Variants in BPTF observed in about 807,000 individuals in gnomAD.
BPTF encodes bromodomain PHD finger transcription factor, also known as nucleosome-remodeling factor subunit BPTF.
In BPTF, 18 loss-of-function variants were observed where a neutral mutation model predicts 292.5. That is an observed-to-expected ratio of 0.06 (90% CI 0.04 to 0.09). BPTF has a LOEUF of 0.09. Among genes scored for constraint, BPTF ranks in the 10% least tolerant of loss-of-function variants. BPTF has a pLI of 1.00. For synonymous variants in BPTF, 1,225 were observed against 1,251.9 expected (o/e 0.98, Z 0.45); for missense variants, 2,726 against 3,498.7 (o/e 0.78, Z 5.57).
chr17:67,912,707 G>A lies in BPTF; in HGVS notation c.4823G>A (p.Gly1608Asp), dbSNP rs531901425. ...ESKTVIKVEK[G>D]DKQTVVSSTE... is the part of the protein sequence containing the mutation. The stretch of plus-strand genomic sequence containing the variant: ...AAAACTGTGATCAAGGTAGAAAAAG[G>A]CGATAAGCAAACTGTGGTTTCTTCC... Residue 1608 changes from glycine to aspartate, a missense_variant, in exon 11 of 28, where the codon GGC becomes GAC. Around this residue, in one of 22 missense-constraint regions of BPTF, gnomAD observed 144 missense variants for 177.2 expected, o/e 0.81. Coordinates refer to ENST00000306378, the MANE Select transcript of BPTF (RefSeq NM_182641.4). 6.2e-7 allele frequency: 1 copy of A among 1,613,986 alleles called. No individual in the cohort carries two copies. The highest frequency in any genetic ancestry group is 1.3e-5 in the African/African-American group (1 of 75,032).
intron 26 of BPTF, chr17:67,974,804 C>G (rs1264576703): frequency 6.6e-6 from 1 of 152,314 alleles, no homozygotes; most frequent in African/African-American, 2.4e-5. Context: ...ACAGTTGCCT[C>G]CACATGTTCA....
intron 14 of BPTF, among the ~76,000 whole-genome samples, chr17:67,923,679 C>T (rs1401787818): frequency 1.3e-5 from 2 of 149,528 alleles, no homozygotes; most frequent in Non-Finnish European, 3.0e-5. Flanking sequence ...GGGGTTTCAC[C>T]ATGTTGGCCA....
At chr17:67,886,178 T>G (rs1437195660) in intron 4 of BPTF, 1 of 1,613,384 alleles carries the variant, frequency 6.2e-7, no homozygotes, top group Non-Finnish European at 8.5e-7. Flanking sequence ...TACCACTACC[T>G]CCATCCAGCC....
intron 25 of BPTF, chr17:67,965,986 A>T (rs1343604671): frequency 6.5e-6 from 1 of 152,788 alleles, no homozygotes; most frequent in Admixed American, 6.5e-5. Flanking sequence ...ACTTGAGCAC[A>T]GGAGGTTACA....
chr17:67,867,703 G>A (rs1367162591), intron 3 of BPTF, among the ~76,000 whole-genome samples: 1 of 152,122 alleles, frequency 6.6e-6, no homozygotes, highest in East Asian at 1.9e-4. Context: ...CCTCATTATG[G>A]GTTTTTCTCA....
chr17:67,920,246 A>G, intron 13 of BPTF, 103 bp downstream of exon 13: 1 of 1,361,338 alleles, frequency 7.3e-7, no homozygotes, highest in Non-Finnish European at 1.0e-6. Flanking sequence ...CTTTTAAAAA[A>G]GACATATTTT....
chr17:67,829,152 A>G (rs1252915222), intron 1 of BPTF, among the ~76,000 whole-genome samples: 3 of 148,928 alleles, frequency 2.0e-5, no homozygotes, highest in South Asian at 2.1e-4. Context: ...TTGATGGACA[A>G]TTTGATCAGT....
At chr17:67,860,223 A>G (rs1400481212) in intron 2 of BPTF, among the ~76,000 whole-genome samples, 1 of 152,196 alleles carries the variant, frequency 6.6e-6, no homozygotes, top group Non-Finnish European at 1.5e-5. Flanking sequence ...TGTGTCAACA[A>G]TTTTGACAAA....
chr17:67,961,114 CA>C (rs1335595297), intron 24 of BPTF, among the ~76,000 whole-genome samples: 1 of 152,076 alleles, frequency 6.6e-6, no homozygotes, highest in East Asian at 1.9e-4. Context: ...GATTTGTTTA[CA>C]GAATTTCTTT....
At chr17:67,924,058 G>A (rs2063664049) in intron 14 of BPTF, among the ~76,000 whole-genome samples, 1 of 152,018 alleles carries the variant, frequency 6.6e-6, no homozygotes, top group African/African-American at 2.4e-5. Flanking sequence ...GAGTGCAGTG[G>A]CACAATCTCG....
In BPTF at chr17:67,960,156, C is replaced by G. The variant is rs140704870; in HGVS notation, c.8261+281C>G. 2,087 of 294,146 alleles carry G rather than the reference C, an allele frequency of 7.1e-3. 17 individuals are homozygous for G. The highest frequency in any genetic ancestry group is 0.021 in the Middle Eastern group (19 of 896). The allele number at this position is 294,146 out of a possible 1,614,324, so 18.2% of individuals were successfully genotyped here. On this transcript the variant is annotated intron_variant, in intron 24 of 27. Coordinates refer to ENST00000306378, the MANE Select transcript of BPTF (RefSeq NM_182641.4). ...TTCTCTTCTTCCCTCTGAATTAACT[C>G]CAAATCAGTGAGTAATTGATGTCTG...
intron 2 of BPTF, 42 bp from the exon 3 acceptor site, chr17:67,866,422 T>C: frequency 7.0e-7 from 1 of 1,436,212 alleles, no homozygotes; most frequent in Middle Eastern, 1.8e-4. Context: ...ATAAGTGGCA[T>C]TATGTCTAAC....
Position 67,983,375 on chromosome 17 carries a change from G to A in BPTF, c.*1087G>A, listed in dbSNP as rs542236145. On this transcript the variant is annotated 3_prime_UTR_variant, in exon 28 of 28. Transcript: ENST00000306378. ...ATCAGTTGATCATACTAACGAGAAC[G>A]GTAATGCGACAAGATACACATTGCC... 3.9e-5 allele frequency: 6 copies of A among 152,718 alleles called. No individual in the cohort carries two copies. The highest frequency in any genetic ancestry group is 1.2e-4 in the African/African-American group (5 of 41,552). 9.5% of individuals were successfully genotyped at this position (152,718 alleles called of 1,614,324 possible).
At chr17:67,922,453 A>G (rs1353146001) in intron 13 of BPTF, among the ~76,000 whole-genome samples, 1 of 152,212 alleles carries the variant, frequency 6.6e-6, no homozygotes, top group Non-Finnish European at 1.5e-5. Flanking sequence ...AGGCTTTTGT[A>G]GGAAGTTGAA....
chr17:67,924,730 T>C (rs921873082), intron 15 of BPTF, 141 bp downstream of exon 15: 1 of 806,560 alleles, frequency 1.2e-6, no homozygotes, highest in African/African-American at 1.7e-5. Flanking sequence ...GCCAAATTCA[T>C]GCACACCCAT....
At chr17:67,850,269 A>T (rs2058311532) in intron 1 of BPTF, among the ~76,000 whole-genome samples, 1 of 152,246 alleles carries the variant, frequency 6.6e-6, no homozygotes, top group South Asian at 2.1e-4. Context: ...GGTGATATTA[A>T]CTACTAGTTC....
intron 18 of BPTF, among the ~76,000 whole-genome samples, chr17:67,935,001 G>A (rs886957194): frequency 6.6e-6 from 1 of 152,010 alleles, no homozygotes; most frequent in African/African-American, 2.4e-5. Flanking sequence ...TAAACTTTGA[G>A]GTGATTCAGT....
intron 4 of BPTF, among the ~76,000 whole-genome samples, chr17:67,887,267 C>A (rs1427903915): frequency 6.6e-6 from 1 of 152,090 alleles, no homozygotes; most frequent in Non-Finnish European, 1.5e-5. Context: ...TTATTCATAT[C>A]TTTTTCTCAC....
At chr17:67,837,572 T>C (rs2057231215) in intron 1 of BPTF, among the ~76,000 whole-genome samples, 1 of 152,112 alleles carries the variant, frequency 6.6e-6, no homozygotes, top group African/African-American at 2.4e-5. Context: ...CACGCCTGGC[T>C]AATTTTTTTG....
Sources: gnomAD v4.1 joint callset for allele counts (sites outside exome capture counted in the v4.1 genomes callset) on GRCh38, gnomAD v4.1.1 for gene constraint, gnomAD v4.1.1 regional missense constraint, MANE v1.5 for transcripts, NCBI Gene and HGNC (gene_info 2026-07-23, HGNC 2026-07-21) for gene names.